SPOCK3: variants seen among roughly 807,000 people sequenced by gnomAD.
The protein encoded by SPOCK3 is testican-3.
SPOCK3 carries 30 observed loss-of-function variants against 56.6 expected under a neutral mutation model. The observed-to-expected ratio is 0.53, with a 90% CI of 0.40 to 0.72. The LOEUF (loss-of-function observed/expected upper bound fraction) is 0.72, where lower values mean the gene tolerates loss of function less well. Ranked by LOEUF, SPOCK3 falls within the 30% of genes least tolerant of loss-of-function variation. SPOCK3 has a pLI of 0.00. For missense variants in SPOCK3, 527 were observed against 530.0 expected (o/e 0.99, Z 0.06); for synonymous variants, 196 against 183.3 (o/e 1.07, Z -0.56).
At chr4:167,087,527 A>T (rs1758310645) in intron 2 of SPOCK3, among the ~76,000 whole-genome samples, 2 of 152,288 alleles carry the variant, frequency 1.3e-5, no homozygotes, top group Admixed American at 1.3e-4. Flanking sequence ...TCCCCAGAAC[A>T]TATCTGTTCC....
At chr4:166,851,028 C>T (rs866022052) in intron 6 of SPOCK3, among the ~76,000 whole-genome samples, 23 of 152,342 alleles carry the variant, frequency 1.5e-4, no homozygotes, top group Middle Eastern at 3.4e-3. Flanking sequence ...CACAGACAAA[C>T]GAAAAGACAG....
intron 6 of SPOCK3, among the ~76,000 whole-genome samples, chr4:166,843,117 G>A (rs1471137317): frequency 6.6e-6 from 1 of 152,176 alleles, no homozygotes. Context: ...TGAGTGCGGG[G>A]CCCGCCAAGC....
chr4:167,109,322 T>G (rs1487108001), intron 2 of SPOCK3, among the ~76,000 whole-genome samples: 1 of 88,068 alleles, frequency 1.1e-5, no homozygotes, highest in East Asian at 3.3e-4. Flanking sequence ...TATTAATATA[T>G]TAATATATAT....
intron 4 of SPOCK3, among the ~76,000 whole-genome samples, chr4:166,983,146 T>C (rs1561083580): frequency 6.6e-6 from 1 of 152,158 alleles, no homozygotes; most frequent in Non-Finnish European, 1.5e-5. Flanking sequence ...GGAGGAAAAC[T>C]AGACTATGGT....
intron 6 of SPOCK3, among the ~76,000 whole-genome samples, chr4:166,809,018 G>A (rs1043922271): frequency 6.6e-6 from 1 of 151,778 alleles, no homozygotes; most frequent in Non-Finnish European, 1.5e-5. Flanking sequence ...CACATCTTTG[G>A]AGTATAAAAA....
At chr4:166,748,112 C>G (rs1269788139) in intron 8 of SPOCK3, among the ~76,000 whole-genome samples, 1 of 150,844 alleles carries the variant, frequency 6.6e-6, no homozygotes, top group African/African-American at 2.5e-5. Context: ...CAATGACTTT[C>G]TTCATAGAAT....
intron 6 of SPOCK3, among the ~76,000 whole-genome samples, chr4:166,809,497 C>G (rs1317629443): frequency 6.6e-6 from 1 of 151,932 alleles, no homozygotes; most frequent in Non-Finnish European, 1.5e-5. Flanking sequence ...ACAAACAATT[C>G]TGATACATAT....
chr4:166,964,900 T>C (rs1033564537), intron 4 of SPOCK3, among the ~76,000 whole-genome samples: 3 of 151,902 alleles, frequency 2.0e-5, no homozygotes, highest in African/African-American at 7.2e-5. Flanking sequence ...TGCTATTATT[T>C]TGTGACTCCA....
chr4:166,934,365 G>A (rs1000888255), intron 4 of SPOCK3, among the ~76,000 whole-genome samples: 2 of 151,562 alleles, frequency 1.3e-5, no homozygotes, highest in South Asian at 4.1e-4. Context: ...AGGTGTGGTG[G>A]GGGGCACCTG....
chr4:166,917,741 C>T (rs1738022508), intron 4 of SPOCK3, among the ~76,000 whole-genome samples: 1 of 152,022 alleles, frequency 6.6e-6, no homozygotes, highest in Non-Finnish European at 1.5e-5. Flanking sequence ...CTTGCTTCCC[C>T]TTCCCCCATG....
intron 3 of SPOCK3, among the ~76,000 whole-genome samples, chr4:167,053,127 G>T (rs919959870): frequency 2.6e-5 from 4 of 152,222 alleles, no homozygotes; most frequent in Admixed American, 2.0e-4. Flanking sequence ...ATGGGAGTCA[G>T]ATAAAGCTCT....
intron 6 of SPOCK3, among the ~76,000 whole-genome samples, chr4:166,796,681 A>G (rs555938213): frequency 6.6e-6 from 1 of 152,290 alleles, no homozygotes. Context: ...AATTTTTGGT[A>G]AAGAGATTTT....
At chr4:166,979,130 A>G (rs1411041141) in intron 4 of SPOCK3, among the ~76,000 whole-genome samples, 3 of 152,242 alleles carry the variant, frequency 2.0e-5, no homozygotes, top group African/African-American at 7.2e-5. Flanking sequence ...CCCTTTCACA[A>G]TTTAAGAGCC....
At chr4:167,124,117 C>T (rs1762091402) in intron 2 of SPOCK3, among the ~76,000 whole-genome samples, 1 of 152,224 alleles carries the variant, frequency 6.6e-6, no homozygotes, top group Non-Finnish European at 1.5e-5. Flanking sequence ...ATTCCTCCCA[C>T]CTATTATCTT....
chr4:167,070,594 T>C (rs985939661), intron 2 of SPOCK3, among the ~76,000 whole-genome samples: 1 of 151,952 alleles, frequency 6.6e-6, no homozygotes. Flanking sequence ...TTTGATAGCT[T>C]GGATAAATCA....
chr4:166,905,816 A>G (rs907391792), intron 5 of SPOCK3, among the ~76,000 whole-genome samples: 7 of 152,044 alleles, frequency 4.6e-5, no homozygotes, highest in Non-Finnish European at 2.9e-5. Context: ...AATTAACAAT[A>G]TAACAATATA....
chr4:166,941,190 T>C (rs1411827003), intron 4 of SPOCK3, among the ~76,000 whole-genome samples: 1 of 149,358 alleles, frequency 6.7e-6, no homozygotes, highest in Non-Finnish European at 1.5e-5. Context: ...CTCCCAAGAA[T>C]GTAGAAAAAA....
At chr4:166,875,538 A>G (rs1732983722) in intron 6 of SPOCK3, among the ~76,000 whole-genome samples, 1 of 152,196 alleles carries the variant, frequency 6.6e-6, no homozygotes, top group Non-Finnish European at 1.5e-5. Flanking sequence ...CAAAATAAAG[A>G]GTTGTCTGAT....
At chr4:167,225,764 C>T (rs1424549750) in intron 2 of SPOCK3, among the ~76,000 whole-genome samples, 2 of 149,202 alleles carry the variant, frequency 1.3e-5, no homozygotes, top group South Asian at 2.1e-4. Context: ...CCAGTAATCT[C>T]GCATGTTAAG....
Sources: allele counts gnomAD v4.1 joint callset (sites outside exome capture counted in the v4.1 genomes callset), GRCh38; gene constraint gnomAD v4.1.1; transcripts MANE v1.5; gene names NCBI Gene and HGNC (gene_info 2026-07-23, HGNC 2026-07-21).